Variants in MAPKAP1 observed in about 807,000 individuals in gnomAD.
MAPKAP1 encodes the protein target of rapamycin complex 2 subunit MAPKAP1.
Under a neutral mutation model 65.7 loss-of-function variants are expected in MAPKAP1, and 20 were observed. That is an observed-to-expected ratio of 0.30 (90% CI 0.21 to 0.44). The LOEUF (loss-of-function observed/expected upper bound fraction) is 0.44, where lower values mean the gene tolerates loss of function less well. Ranked by LOEUF, MAPKAP1 falls within the 20% of genes least tolerant of loss-of-function variation. The pLI is 1.00. For synonymous variants in MAPKAP1, 222 were observed against 244.3 expected, an observed-to-expected ratio of 0.91 and a Z score of 0.85; for missense variants, 423 against 648.0, an observed-to-expected ratio of 0.65 and a Z score of 3.77.
intron 11 of MAPKAP1, among the ~76,000 whole-genome samples, chr9:125,441,614 G>C (rs1852487520): frequency 6.6e-6 from 1 of 152,016 alleles, no homozygotes; most frequent in African/African-American, 2.4e-5. Flanking sequence ...TTCCATCTAA[G>C]CTCTCATTTT....
chr9:125,625,257 A>AAAAAAAAAAAAAAAAAAAAATAAATT (rs1833077873), intron 4 of MAPKAP1, among the ~76,000 whole-genome samples: 1 of 64,056 alleles, frequency 1.6e-5, no homozygotes, highest in Non-Finnish European at 3.1e-5. Flanking sequence ...TAAATAAATA[A>AAAAAAAAAAAAAAAAAAAAATAAATT]AAAAAAAAAA....
At chr9:125,633,196 T>C (rs1301070568) in intron 4 of MAPKAP1, among the ~76,000 whole-genome samples, 1 of 152,218 alleles carries the variant, frequency 6.6e-6, no homozygotes, top group Non-Finnish European at 1.5e-5. Context: ...AAGATTTCAA[T>C]GCACAGCGCC....
intron 6 of MAPKAP1, among the ~76,000 whole-genome samples, chr9:125,547,605 G>A (rs1830465089): frequency 6.6e-6 from 1 of 152,124 alleles, no homozygotes; most frequent in Non-Finnish European, 1.5e-5. Flanking sequence ...AAGAGAAAAG[G>A]CCCCACTTCA....
chr9:125,642,511 T>C (rs1833609054), intron 4 of MAPKAP1, among the ~76,000 whole-genome samples: 1 of 152,182 alleles, frequency 6.6e-6, no homozygotes, highest in African/African-American at 2.4e-5. Flanking sequence ...GACCACATTA[T>C]ATGCTCATTA....
chr9:125,476,959 T>A (rs1202982654), intron 9 of MAPKAP1, among the ~76,000 whole-genome samples: 2 of 152,204 alleles, frequency 1.3e-5, no homozygotes, highest in African/African-American at 2.4e-5. Flanking sequence ...TAAACTTGAC[T>A]GGAGCCAGCT....
chr9:125,541,261 C>T lies in MAPKAP1; in HGVS notation c.958+1798G>A, dbSNP rs563621412. Among the ~76,000 whole-genome samples, 138 of 152,158 alleles carry T rather than the reference C, an allele frequency of 9.1e-4. No homozygotes were observed. The Middle Eastern group carries it at 0.01, about 11-fold the overall frequency. ...AACGCTGGGAATGGACATAGAAAAA[C>T]GGGTATGCAATTGGACAGAGACGAC... On this transcript the variant is annotated intron_variant, in intron 7 of 11. Transcript: ENST00000265960.
intron 6 of MAPKAP1, among the ~76,000 whole-genome samples, chr9:125,557,133 C>T (rs1830758961): frequency 6.6e-6 from 1 of 152,204 alleles, no homozygotes; most frequent in African/African-American, 2.4e-5. Flanking sequence ...TTGTTACTCT[C>T]TGCCTTCCCC....
chr9:125,606,435 T>C (rs1027368012), intron 4 of MAPKAP1, among the ~76,000 whole-genome samples: 7 of 152,134 alleles, frequency 4.6e-5, no homozygotes, highest in Non-Finnish European at 7.4e-5. Flanking sequence ...TTAAGCAAGA[T>C]TGACTCTGAC....
chr9:125,601,671 TATAATTA>T (rs1363293168), intron 4 of MAPKAP1, among the ~76,000 whole-genome samples: 2 of 152,242 alleles, frequency 1.3e-5, no homozygotes, highest in African/African-American at 4.8e-5. Flanking sequence ...CTTCAGTAAT[TATAATTA>T]ATTCAAGTCC....
At chr9:125,551,860 T>C (rs1366144466) in intron 6 of MAPKAP1, among the ~76,000 whole-genome samples, 1 of 152,198 alleles carries the variant, frequency 6.6e-6, no homozygotes, top group Non-Finnish European at 1.5e-5. Flanking sequence ...GTCCCTATCC[T>C]TGAGAGGCAC....
chr9:125,690,389 A>C (rs1474508417), intron 1 of MAPKAP1, among the ~76,000 whole-genome samples: 1 of 152,238 alleles, frequency 6.6e-6, no homozygotes, highest in African/African-American at 2.4e-5. Flanking sequence ...AAGCCAAGGG[A>C]ATGGCAGAAG....
intron 8 of MAPKAP1, among the ~76,000 whole-genome samples, chr9:125,489,965 C>T (rs987784541): frequency 6.6e-6 from 1 of 152,186 alleles, no homozygotes; most frequent in Non-Finnish European, 1.5e-5. Flanking sequence ...CTGGAGTCCA[C>T]GTGCCTTCTC....
Position 125,664,296 on chromosome 9 carries a change from G to A in MAPKAP1, c.349+5522C>T, listed in dbSNP as rs556420243. Among the ~76,000 whole-genome samples the A allele has an allele frequency of 8.4e-4, 127 of 151,722 alleles. 1 individual carries two copies. The highest frequency in any genetic ancestry group is 1.5e-3 in the African/African-American group (61 of 41,310). The stretch of plus-strand genomic sequence containing the variant: ...TTGGAGGCAAAGGTTGCAGTGAGCC[G>A]AGATCATGCTACTGCACTCCAGCCT... On this transcript the variant is annotated intron_variant, in intron 3 of 11. Transcript: ENST00000265960.
At position 125,663,647 on chromosome 9, in the gene MAPKAP1, C is replaced by T. The variant is rs569227849; in HGVS notation, c.350-5848G>A. 3.3e-5 allele frequency among the ~76,000 whole-genome samples: 5 copies of T among 152,142 alleles called. No individual in the cohort carries two copies. In the South Asian group the frequency reaches 8.3e-4, roughly 25 times the overall value. Reference sequence around the variant, plus strand: ...ATAAATATTTGTTGAATGAATAAGTCTGGACCAGAGAAGTAGAAAAAGTTG... The same window carrying T: ...ATAAATATTTGTTGAATGAATAAGTTTGGACCAGAGAAGTAGAAAAAGTTG... On this transcript the variant is annotated intron_variant, in intron 3 of 11. Coordinates refer to ENST00000265960, the MANE Select transcript of MAPKAP1 (RefSeq NM_001006617.3).
At chr9:125,605,889 G>C (rs915968881) in intron 4 of MAPKAP1, among the ~76,000 whole-genome samples, 4 of 152,184 alleles carry the variant, frequency 2.6e-5, no homozygotes, top group African/African-American at 9.7e-5. Context: ...CATTAAACAG[G>C]CTTTCCTGAG....
chr9:125,506,148 T>G (rs1829132506), intron 8 of MAPKAP1, 162 bp downstream of exon 8: 4 of 662,798 alleles, frequency 6.0e-6, no homozygotes, highest in Non-Finnish European at 1.1e-5. Context: ...ATCAATCATT[T>G]CACTTTGGGA....
At chr9:125,542,131 C>A (rs1282646018) in intron 7 of MAPKAP1, among the ~76,000 whole-genome samples, 2 of 152,176 alleles carry the variant, frequency 1.3e-5, no homozygotes, top group African/African-American at 4.8e-5. Flanking sequence ...CCATTTTTTA[C>A]AGCTCTTATC....
intron 4 of MAPKAP1, among the ~76,000 whole-genome samples, chr9:125,587,151 A>C (rs1253898637): frequency 6.6e-6 from 1 of 152,252 alleles, no homozygotes; most frequent in African/African-American, 2.4e-5. Context: ...AAAACTATAA[A>C]ATTCTTAAAA....
intron 4 of MAPKAP1, among the ~76,000 whole-genome samples, chr9:125,601,831 C>T (rs1394771067): frequency 6.6e-6 from 1 of 152,180 alleles, no homozygotes; most frequent in African/African-American, 2.4e-5. Flanking sequence ...TAAAGGCCAA[C>T]ACAAAGAACC....
Sources: allele counts gnomAD v4.1 joint callset (sites outside exome capture counted in the v4.1 genomes callset), GRCh38; gene constraint gnomAD v4.1.1; transcripts MANE v1.5; gene names NCBI Gene and HGNC (gene_info 2026-07-23, HGNC 2026-07-21).